The following CELF4 variants were observed in gnomAD, a reference collection of about 807,000 sequenced individuals.
CELF4 encodes CUGBP Elav-like family member 4.
In CELF4, 18 loss-of-function variants were observed where a neutral mutation model predicts 59.9. That is an observed-to-expected ratio of 0.30 (90% CI 0.21 to 0.45). The LOEUF is 0.45. CELF4 is among the 20% of genes least tolerant of loss of function. The pLI is 1.00. For missense variants in CELF4, 456 were observed against 689.0 expected, an observed-to-expected ratio of 0.66 and a Z score of 3.79; for synonymous variants, 261 against 267.1, an observed-to-expected ratio of 0.98 and a Z score of 0.22.
chr18:37,419,107 T>C (rs374600677), intron 2 of CELF4, among the ~76,000 whole-genome samples: 1 of 152,220 alleles, frequency 6.6e-6, no homozygotes, highest in Admixed American at 6.5e-5. Flanking sequence ...AGTGGGGCAC[T>C]GCTCTGTTCC....
At chr18:37,259,387 G>T in intron 10 of CELF4, 123 bp from the exon 11 acceptor site, 1 of 492,944 alleles carries the variant, frequency 2.0e-6, no homozygotes, top group South Asian at 2.1e-5. Context: ...GGTTAGGAGG[G>T]GGAGTCTCAT....
In CELF4 at chr18:37,253,773, G is replaced by A. The variant is rs766992622; in HGVS notation, c.*38C>T. ...CCCGGCCGCCCCCGGTTACCTGTGC[G>A]AGTCCTGGTCTCCCCCGGGGGACGC... On this transcript the variant is annotated 3_prime_UTR_variant, in exon 12 of 13. Coordinates refer to ENST00000420428, the MANE Select transcript of CELF4 (RefSeq NM_020180.4). The surrounding 1 kb of genome is among the most constrained non-coding windows in gnomAD (Gnocchi z 4.5). The A allele has an allele frequency of 8.9e-6, 14 of 1,575,474 alleles. No homozygotes were observed. The South Asian group carries it at 1.5e-4, about 17-fold the overall frequency.
chr18:37,397,921 A>C lies in CELF4; in HGVS notation c.370-76040T>G, dbSNP rs965546865. Among the ~76,000 whole-genome samples, 6 of 152,152 alleles carry C rather than the reference A, an allele frequency of 3.9e-5. No individual in the cohort carries two copies. In the East Asian group the frequency reaches 5.8e-4, roughly 15 times the overall value. ...CGGATCCTTGGATGTGCTTTGTTCC[A>C]ACACAAGGTCATCTCTGCTCTTTCC... On this transcript the variant is annotated intron_variant, in intron 2 of 12. Transcript: ENST00000420428.
Position 37,246,580 on chromosome 18 carries a change from TG to T in CELF4, c.*45-1384del, listed in dbSNP as rs1355246657. ...TCTGTTACTGTAGATATTTTGTTTTTGTTTTTTTGTTTTTGTTTTTTTTCCC... is the reference window on the plus strand; with the variant it reads ...TCTGTTACTGTAGATATTTTGTTTTTTTTTTTTGTTTTTGTTTTTTTTCCC... On this transcript the variant is annotated intron_variant, in intron 12 of 12. Coordinates refer to ENST00000420428, the MANE Select transcript of CELF4 (RefSeq NM_020180.4). The surrounding 1 kb of genome is among the most constrained non-coding windows in gnomAD (Gnocchi z 5.3). Among the ~76,000 whole-genome samples, 7 of 152,172 alleles carry T rather than the reference TG, an allele frequency of 4.6e-5. No individual in the cohort carries two copies. The highest frequency in any genetic ancestry group is 1.7e-4 in the African/African-American group (7 of 41,454).
intron 2 of CELF4, among the ~76,000 whole-genome samples, chr18:37,329,988 T>G (rs1039856720): frequency 6.6e-6 from 1 of 152,170 alleles, no homozygotes; most frequent in East Asian, 1.9e-4. Flanking sequence ...TAGTGCTATC[T>G]CCAGAAAGAT....
At chr18:37,468,693 C>T (rs1364881222) in intron 2 of CELF4, among the ~76,000 whole-genome samples, 1 of 152,022 alleles carries the variant, frequency 6.6e-6, no homozygotes, top group Non-Finnish European at 1.5e-5. Context: ...TTCTGCATGG[C>T]TGGGGAGGCC....
chr18:37,487,095 A>G (rs2099882837), intron 1 of CELF4, among the ~76,000 whole-genome samples: 1 of 152,078 alleles, frequency 6.6e-6, no homozygotes, highest in Admixed American at 6.5e-5. Flanking sequence ...TGGTGCCAGT[A>G]TGGTACCTAT....
intron 2 of CELF4, among the ~76,000 whole-genome samples, chr18:37,398,859 G>T (rs752425096): frequency 6.6e-6 from 1 of 152,180 alleles, no homozygotes. Context: ...GTAAGATGGA[G>T]GTGGCTACAT....
chr18:37,255,991 T>C (rs914059361), intron 11 of CELF4, among the ~76,000 whole-genome samples: 14 of 152,048 alleles, frequency 9.2e-5, no homozygotes, highest in Admixed American at 9.2e-4. Context: ...TGAGAAGCAG[T>C]CCAGGGTCAA....
chr18:37,327,085 C>T (rs768545565), intron 2 of CELF4, among the ~76,000 whole-genome samples: 1 of 152,096 alleles, frequency 6.6e-6, no homozygotes, highest in Non-Finnish European at 1.5e-5. Flanking sequence ...GTGTGGCTCC[C>T]TCTGGAAGGG....
intron 2 of CELF4, among the ~76,000 whole-genome samples, chr18:37,323,072 T>A (rs1201470766): frequency 1.3e-5 from 2 of 151,958 alleles, no homozygotes; most frequent in African/African-American, 4.8e-5. Context: ...TACCTTCTGC[T>A]CTAGGACTCG....
chr18:37,272,896 G>A, intron 7 of CELF4, 120 bp downstream of exon 7: 1 of 998,866 alleles, frequency 1.0e-6, no homozygotes, highest in Non-Finnish European at 1.5e-6. Flanking sequence ...AGTCCTCTCG[G>A]GCCCAGACAC....
In CELF4 at chr18:37,470,882, G is replaced by GAC. The variant is rs2099819951; in HGVS notation, c.369+14642_369+14643insGT. Among the ~76,000 whole-genome samples, 9 of 103,818 alleles carry GAC rather than the reference G, an allele frequency of 8.7e-5. No homozygotes were observed. In the South Asian group the frequency reaches 9.2e-4, roughly 11 times the overall value. 68.1% of individuals were successfully genotyped at this position (103,818 alleles called of 152,430 possible). On this transcript the variant is annotated intron_variant, in intron 2 of 12. Coordinates refer to ENST00000420428, the MANE Select transcript of CELF4 (RefSeq NM_020180.4). ...TGTGTGTGTGTGTGTGTGTGTGTGT[G>GAC]TGTGTGACAGAGAGAGAGAGAGAGA...
At chr18:37,512,833 T>TTCC (rs1156459273) in intron 1 of CELF4, among the ~76,000 whole-genome samples, 1 of 151,914 alleles carries the variant, frequency 6.6e-6, no homozygotes, top group African/African-American at 2.4e-5. Context: ...CTTCCTCCTC[T>TTCC]TCCTGTTCCT....
At chr18:37,422,560 TG>T (rs2099584645) in intron 2 of CELF4, among the ~76,000 whole-genome samples, 1 of 152,166 alleles carries the variant, frequency 6.6e-6, no homozygotes, top group Non-Finnish European at 1.5e-5. Flanking sequence ...CAGCTGTACC[TG>T]AAGAAGAACT....
chr18:37,553,458 T>C lies in CELF4; in HGVS notation c.286+11898A>G, dbSNP rs529487665. ...TTGCAGAAGTTCCGGGACACAGCAG[T>C]TTGGAGTTGGACCCATGTCAGGCCC... On this transcript the variant is annotated intron_variant, in intron 1 of 12. Coordinates refer to ENST00000420428, the MANE Select transcript of CELF4 (RefSeq NM_020180.4). Among the ~76,000 whole-genome samples the C allele has an allele frequency of 2.5e-4, 38 of 152,242 alleles. 1 individual carries two copies. The South Asian group carries it at 5.0e-3, about 20-fold the overall frequency.
chr18:37,546,674 C>T (rs1221081631), intron 1 of CELF4, among the ~76,000 whole-genome samples: 1 of 152,214 alleles, frequency 6.6e-6, no homozygotes, highest in African/African-American at 2.4e-5. Context: ...CCACACATGA[C>T]ACACACTGAC....
chr18:37,332,866 G>A (rs1041148819), intron 2 of CELF4, among the ~76,000 whole-genome samples: 2 of 152,212 alleles, frequency 1.3e-5, no homozygotes, highest in Non-Finnish European at 2.9e-5. Flanking sequence ...TCACTGCCAA[G>A]GGCAGAGGGC....
chr18:37,472,042 C>G (rs1039293516), intron 2 of CELF4, among the ~76,000 whole-genome samples: 1 of 152,244 alleles, frequency 6.6e-6, no homozygotes, highest in Non-Finnish European at 1.5e-5. Flanking sequence ...TGTGCTCACC[C>G]AGATTCCAGG....
Sources: allele counts gnomAD v4.1 joint callset (sites outside exome capture counted in the v4.1 genomes callset), GRCh38; gene constraint gnomAD v4.1.1; non-coding constraint Gnocchi (gnomAD v3.1); transcripts MANE v1.5; gene names NCBI Gene and HGNC (gene_info 2026-07-23, HGNC 2026-07-21).